ATP2B1: variants seen among roughly 807,000 people sequenced by gnomAD.
ATP2B1 encodes plasma membrane calcium-transporting ATPase 1.
In ATP2B1, 14 loss-of-function variants were observed where a neutral mutation model predicts 124.2. The observed-to-expected ratio is 0.11, with a 90% CI of 0.07 to 0.18. ATP2B1 has a LOEUF of 0.18. Among genes scored for constraint, ATP2B1 ranks in the 10% least tolerant of loss-of-function variants. ATP2B1 has a pLI of 1.00. For synonymous variants in ATP2B1, 449 were observed against 492.4 expected, an observed-to-expected ratio of 0.91 and a Z score of 1.17; for missense variants, 763 against 1,466.1, an observed-to-expected ratio of 0.52 and a Z score of 7.83.
chr12:89,628,544 A>G (rs755798838), intron 6 of ATP2B1, among the ~76,000 whole-genome samples: 1 of 152,216 alleles, frequency 6.6e-6, no homozygotes, highest in Non-Finnish European at 1.5e-5. Flanking sequence ...ATAAGCCAGT[A>G]AGACTACCAG....
At chr12:89,606,626 T>G (rs1592723179) in intron 15 of ATP2B1, among the ~76,000 whole-genome samples, 1 of 141,460 alleles carries the variant, frequency 7.1e-6, no homozygotes, top group Admixed American at 7.8e-5. Context: ...CAGGCTGGAG[T>G]GCAGTGGTGC....
intron 10 of ATP2B1, among the ~76,000 whole-genome samples, chr12:89,620,999 TTC>T (rs1156486740): frequency 6.6e-6 from 1 of 152,170 alleles, no homozygotes; most frequent in Non-Finnish European, 1.5e-5. Context: ...ATCGCATTCT[TTC>T]TGTTATAAAT....
At chr12:89,682,650 G>A (rs1889499441) in intron 1 of ATP2B1, among the ~76,000 whole-genome samples, 1 of 152,156 alleles carries the variant, frequency 6.6e-6, no homozygotes, top group Non-Finnish European at 1.5e-5. Context: ...TGGGACTACT[G>A]AACAGTCATT....
At chr12:89,637,029 C>T (rs1882818338) in intron 3 of ATP2B1, among the ~76,000 whole-genome samples, 1 of 152,168 alleles carries the variant, frequency 6.6e-6, no homozygotes, top group Non-Finnish European at 1.5e-5. Context: ...GACTCAGAAT[C>T]AGATGATAGA....
At chr12:89,643,375 G>A (rs1883955226) in intron 2 of ATP2B1, among the ~76,000 whole-genome samples, 1 of 152,098 alleles carries the variant, frequency 6.6e-6, no homozygotes, top group African/African-American at 2.4e-5. Flanking sequence ...CTGAGTAACA[G>A]TGAAAAGTTA....
intron 1 of ATP2B1, among the ~76,000 whole-genome samples, chr12:89,698,367 T>C (rs773920644): frequency 6.6e-6 from 1 of 152,150 alleles, no homozygotes; most frequent in Non-Finnish European, 1.5e-5. Context: ...GGTGAGTGAA[T>C]GTCAGACCAA....
At chr12:89,611,600 G>T in intron 12 of ATP2B1, 1 of 380,530 alleles carries the variant, frequency 2.6e-6, no homozygotes, top group Non-Finnish European at 4.6e-6. Context: ...GTTTTCAGTT[G>T]TCATCTACTA....
At chr12:89,609,632 T>C (rs1877616602) in intron 15 of ATP2B1, among the ~76,000 whole-genome samples, 1 of 152,140 alleles carries the variant, frequency 6.6e-6, no homozygotes, top group African/African-American at 2.4e-5. Flanking sequence ...GTGTCCTGCA[T>C]TAAAGGGTTA....
At chr12:89,672,286 C>G (rs2136533845) in intron 1 of ATP2B1, among the ~76,000 whole-genome samples, 1 of 152,220 alleles carries the variant, frequency 6.6e-6, no homozygotes, top group East Asian at 1.9e-4. Flanking sequence ...GAAACCCCGT[C>G]TCTATTAAAA....
At chr12:89,638,539 A>T (rs1385439707) in intron 3 of ATP2B1, among the ~76,000 whole-genome samples, 1 of 152,242 alleles carries the variant, frequency 6.6e-6, no homozygotes, top group African/African-American at 2.4e-5. Context: ...ACAGAAGCAG[A>T]CAGGAGAACC....
intron 6 of ATP2B1, 118 bp from the exon 7 acceptor site, chr12:89,627,834 C>T: frequency 8.9e-7 from 1 of 1,124,950 alleles, no homozygotes; most frequent in Non-Finnish European, 1.3e-6. Flanking sequence ...TGTGTGTCTA[C>T]AGATTAGAAA....
chr12:89,640,416 T>C (rs1489968458), intron 3 of ATP2B1, among the ~76,000 whole-genome samples: 1 of 152,136 alleles, frequency 6.6e-6, no homozygotes, highest in Non-Finnish European at 1.5e-5. Flanking sequence ...GTTGCCTCAC[T>C]GGGGGTGGGG....
At position 89,626,605 on chromosome 12, in the gene ATP2B1, C is replaced by A; in HGVS notation, c.978G>T (p.Gln326His). Reference sequence around the variant, plus strand: ...GCTGCATTTCCATGGCTGCACCATCCTGGGCTTTTGCTACATTTAAGAGCA... The same window carrying A: ...GCTGCATTTCCATGGCTGCACCATCATGGGCTTTTGCTACATTTAAGAGCA... Reference protein sequence around the residue: ...AIENRNKAKAQDGAAMEMQPL... With the variant: ...AIENRNKAKAHDGAAMEMQPL... Residue 326 changes from glutamine to histidine, a missense_variant, in exon 8 of 21, where the codon CAG becomes CAT. Coordinates refer to ENST00000428670, the MANE Select transcript of ATP2B1 (RefSeq NM_001366521.1). The A allele has an allele frequency of 6.3e-7, 1 of 1,597,756 alleles. No homozygotes were observed. Among genetic ancestry groups the A allele is most frequent in the Non-Finnish European group, 8.5e-7 (1 of 1,175,670 alleles).
chr12:89,627,569 G>A, intron 7 of ATP2B1, 109 bp downstream of exon 7: 5 of 1,254,858 alleles, frequency 4.0e-6, no homozygotes, highest in East Asian at 2.3e-5. Context: ...AACGTATATT[G>A]TTGATTTTCC....
chr12:89,686,880 T>A (rs1410173800), intron 1 of ATP2B1, among the ~76,000 whole-genome samples: 1 of 152,084 alleles, frequency 6.6e-6, no homozygotes, highest in African/African-American at 2.4e-5. Context: ...GATAAAAATA[T>A]ATAGATCCTG....
At chr12:89,638,866 C>A (rs77847992) in intron 3 of ATP2B1, among the ~76,000 whole-genome samples, 1,955 of 152,086 alleles carry the variant, frequency 0.013, 39 homozygotes, top group African/African-American at 0.044. Flanking sequence ...CATTAATATT[C>A]AAAAATTTTT....
chr12:89,646,694 A>G (rs1884495990), intron 2 of ATP2B1, among the ~76,000 whole-genome samples: 1 of 152,248 alleles, frequency 6.6e-6, no homozygotes, highest in Non-Finnish European at 1.5e-5. Context: ...TGTGGAAGAA[A>G]GTCTGATTAG....
chr12:89,614,154 G>A (rs956350700), intron 12 of ATP2B1, among the ~76,000 whole-genome samples: 1 of 152,072 alleles, frequency 6.6e-6, no homozygotes, highest in Non-Finnish European at 1.5e-5. Flanking sequence ...AGTTTAAACC[G>A]TAAGTCAATG....
chr12:89,684,879 T>C lies in ATP2B1; in HGVS notation c.-222+23717A>G. Among the ~76,000 whole-genome samples, 2 of 152,176 alleles carry C rather than the reference T, an allele frequency of 1.3e-5. 1 individual carries two copies. Among genetic ancestry groups the C allele is most frequent in the Non-Finnish European group, 2.9e-5 (2 of 68,028 alleles). On this transcript the variant is annotated intron_variant, in intron 1 of 20. Coordinates refer to ENST00000428670, the MANE Select transcript of ATP2B1 (RefSeq NM_001366521.1). ...TTCCTTTTAGAATTTCCTTGACCAT[T>C]GTTTACAGTTGTATTTCTACAGAAA...
Sources: allele counts gnomAD v4.1 joint callset (sites outside exome capture counted in the v4.1 genomes callset), GRCh38; gene constraint gnomAD v4.1.1; transcripts MANE v1.5; gene names NCBI Gene and HGNC (gene_info 2026-07-23, HGNC 2026-07-21).